The following GTF3C1 variants were observed in gnomAD, a reference collection of about 807,000 sequenced individuals.
The protein encoded by GTF3C1 is general transcription factor IIIC subunit 1.
GTF3C1 carries 57 observed loss-of-function variants against 226.7 expected under a neutral mutation model. The ratio of observed to expected loss-of-function variants is 0.25; its 90% CI spans 0.20 to 0.31. The LOEUF (loss-of-function observed/expected upper bound fraction) is 0.31, where lower values mean the gene tolerates loss of function less well. Among genes scored for constraint, GTF3C1 ranks in the 10% least tolerant of loss-of-function variants. The probability of loss-of-function intolerance (pLI) is 1.00; values close to 1 mark genes in which losing one functional copy is unlikely to be tolerated. For missense variants in GTF3C1, 2,217 were observed against 2,776.1 expected, an observed-to-expected ratio of 0.80 and a Z score of 4.53; for synonymous variants, 1,090 against 1,084.8, an observed-to-expected ratio of 1.00 and a Z score of -0.09.
intron 11 of GTF3C1, 117 bp downstream of exon 11, chr16:27,502,740 TAC>T: frequency 9.6e-7 from 1 of 1,045,470 alleles, no homozygotes; most frequent in Non-Finnish European, 1.4e-6. Context: ...GATGAGAATC[TAC>T]ACAGTGGGAC....
rs549367031 is a variant in GTF3C1, at chr16:27,484,320, G to A, written c.3892C>T (p.Arg1298Trp). 7 of 1,609,506 alleles carry A rather than the reference G, an allele frequency of 4.3e-6. No homozygotes were observed. Among genetic ancestry groups the A allele is most frequent in the Non-Finnish European group, 5.1e-6 (6 of 1,175,842 alleles). The part of the protein sequence containing the change: ...KGPFVTWQVV[R>W]DILHATFEES... ...TCAAACGTGGCATGCAAAATGTCCC[G>A]TACCACCTGCCAGGTGACAAATGGG... The change falls in exon 25 of 37, where the codon CGG becomes TGG. Residue 1298 changes from arginine to tryptophan, a missense_variant. Arg to Trp is a moderately radical substitution (Grantham distance 101, BLOSUM62 -3). Around this residue, in one of 12 missense-constraint regions of GTF3C1, gnomAD observed 546 missense variants for 663.0 expected, o/e 0.82. Coordinates refer to ENST00000356183, the MANE Select transcript of GTF3C1 (RefSeq NM_001520.4).
chr16:27,470,038 C>T lies in GTF3C1; in HGVS notation c.4814+70G>A, dbSNP rs117793768. 0.032 allele frequency: 40,506 copies of T among 1,285,294 alleles called. 789 individuals carry two copies. The highest frequency in any genetic ancestry group is 0.037 in the Non-Finnish European group (33,566 of 911,974). 79.6% of individuals were successfully genotyped at this position (1,285,294 alleles called of 1,614,324 possible). The stretch of plus-strand genomic sequence containing the variant: ...AAGCTCCCAGAAGGCACTGCTGACC[C>T]CTGCCCGTCTGTATCTGGCCAATGC... On this transcript the variant is annotated intron_variant, in intron 31 of 36. Coordinates refer to ENST00000356183, the MANE Select transcript of GTF3C1 (RefSeq NM_001520.4). This position sits in a 1 kb window ranked among gnomAD's most constrained non-coding sequence, Gnocchi z 4.9.
chr16:27,546,722 C>T (rs2089169978), intron 1 of GTF3C1, among the ~76,000 whole-genome samples: 2 of 151,900 alleles, frequency 1.3e-5, no homozygotes, highest in South Asian at 2.1e-4. Flanking sequence ...ATGTTTCAGC[C>T]CTTTCCTTCC....
intron 6 of GTF3C1, among the ~76,000 whole-genome samples, chr16:27,527,610 T>C (rs546580399): frequency 6.6e-6 from 1 of 152,338 alleles, no homozygotes; most frequent in South Asian, 2.1e-4. Context: ...TTCACTTTAA[T>C]TTTCTTACAT....
At chr16:27,518,488 T>A (rs2088696904) in intron 6 of GTF3C1, among the ~76,000 whole-genome samples, 1 of 152,212 alleles carries the variant, frequency 6.6e-6, no homozygotes, top group Non-Finnish European at 1.5e-5. Context: ...GAGGTAGTGC[T>A]CTGTAGATGT....
chr16:27,506,363 T>C (rs972363617), intron 9 of GTF3C1, among the ~76,000 whole-genome samples: 1 of 152,144 alleles, frequency 6.6e-6, no homozygotes, highest in African/African-American at 2.4e-5. Flanking sequence ...GTCCTGTGTA[T>C]TGCAGGATGT....
chr16:27,468,784 A>G (rs960857348), intron 32 of GTF3C1, among the ~76,000 whole-genome samples: 4 of 152,254 alleles, frequency 2.6e-5, no homozygotes, highest in African/African-American at 7.2e-5. Flanking sequence ...AAGGTCATCA[A>G]CAGAACTAAA....
chr16:27,493,441 C>T (rs1473836969), intron 16 of GTF3C1, 145 bp from the exon 17 acceptor site: 1 of 628,892 alleles, frequency 1.6e-6, no homozygotes, highest in Non-Finnish European at 2.9e-6. Flanking sequence ...CCAAGTGCCC[C>T]TGCATCTCTG....
chr16:27,471,347 T>A lies in GTF3C1; in HGVS notation c.4526+401A>T, dbSNP rs767953854. 4.1e-4 allele frequency among the ~76,000 whole-genome samples: 62 copies of A among 152,224 alleles called. No homozygotes were observed. The highest frequency in any genetic ancestry group is 7.8e-4 in the Non-Finnish European group (53 of 68,044). The stretch of plus-strand genomic sequence containing the variant: ...TGAATGCACCTCCGCACCCCAATCC[T>A]GCACTGGCTGTTGGTGCTGCGAATG... On this transcript the variant is annotated intron_variant, in intron 30 of 36. Transcript: ENST00000356183. This position sits in a 1 kb window ranked among gnomAD's most constrained non-coding sequence, Gnocchi z 5.0.
Position 27,495,198 on chromosome 16 carries a change from A to G in GTF3C1, c.2632+13T>C, listed in dbSNP as rs771644900. 17 of 1,594,092 alleles carry G rather than the reference A, an allele frequency of 1.1e-5. No homozygotes were observed. The African/African-American group carries it at 2.0e-4, about 19-fold the overall frequency. On this transcript the variant is annotated intron_variant, in intron 15 of 36. Transcript: ENST00000356183. ...TGCCCGCCCCAGGTGCAGGAGTGGC[A>G]GGGGCCTCTCACCTGTCTCCGTGGC...
intron 29 of GTF3C1, among the ~76,000 whole-genome samples, chr16:27,473,991 C>T (rs192455952): frequency 2.6e-5 from 4 of 152,300 alleles, no homozygotes; most frequent in East Asian, 1.9e-4. Flanking sequence ...AGGATAGGAG[C>T]GCTCAGGCCA....
chr16:27,513,527 A>G (rs2088609478), intron 6 of GTF3C1, among the ~76,000 whole-genome samples: 1 of 152,196 alleles, frequency 6.6e-6, no homozygotes, highest in African/African-American at 2.4e-5. Context: ...AGAGACTGGA[A>G]GATGCTACAC....
In GTF3C1 at chr16:27,462,568, G is replaced by T; in HGVS notation, c.5925-82C>A. On this transcript the variant is annotated intron_variant, in intron 35 of 36. Coordinates refer to ENST00000356183, the MANE Select transcript of GTF3C1 (RefSeq NM_001520.4). This position sits in a 1 kb window ranked among gnomAD's most constrained non-coding sequence, Gnocchi z 4.5. Reference sequence around the variant, plus strand: ...AGACAGAACACTGAGGCTCAGGGGCGTCCTAGGCCTGGCCCAGGTCACAGG... The same window carrying T: ...AGACAGAACACTGAGGCTCAGGGGCTTCCTAGGCCTGGCCCAGGTCACAGG... The T allele has an allele frequency of 9.5e-7, 1 of 1,050,976 alleles. No homozygotes were observed. The highest frequency in any genetic ancestry group is 1.4e-6 in the Non-Finnish European group (1 of 700,222). The allele number at this position is 1,050,976 out of a possible 1,614,324, so 65.1% of individuals were successfully genotyped here.
At chr16:27,495,125 TA>T in intron 15 of GTF3C1, 85 bp downstream of exon 15, 1 of 1,049,166 alleles carries the variant, frequency 9.5e-7, no homozygotes, top group Middle Eastern at 3.2e-4. Context: ...CCAGTTTATA[TA>T]AGGAAAAGGA....
Position 27,481,093 on chromosome 16 carries a change from C to T in GTF3C1, c.4182G>A (p.Gln1394=), listed in dbSNP as rs943397584. The T allele has an allele frequency of 9.3e-6, 15 of 1,613,940 alleles. No homozygotes were observed. The highest frequency in any genetic ancestry group is 1.3e-5 in the Non-Finnish European group (15 of 1,179,900). Reference sequence around the variant, plus strand: ...AAACGGCTTACCTGGCGAACAGCTCCTGGAGTGTGTCTGGGATTTCAAGGT... The same window carrying T: ...AAACGGCTTACCTGGCGAACAGCTCTTGGAGTGTGTCTGGGATTTCAAGGT... ...NSNLEIPDTL[Q]ELFARYRVLA... The change falls in exon 27 of 37, where the codon CAG becomes CAA. Residue 1394 remains glutamine, a synonymous_variant. Transcript: ENST00000356183.
chr16:27,520,009 G>A (rs1440413868), intron 6 of GTF3C1, among the ~76,000 whole-genome samples: 2 of 152,208 alleles, frequency 1.3e-5, no homozygotes, highest in South Asian at 2.1e-4. Context: ...CACTACTTGG[G>A]AGGGTAAGGT....
Position 27,489,601 on chromosome 16 carries a change from C to A in GTF3C1, c.3293+1G>T, listed in dbSNP as rs781686667. ...CGGCCGCGCTTGGGACGGACACGCA[C>A]GTGGTGTACTCCAGCATGGCGCACT... On this transcript the variant is annotated splice_donor_variant, in intron 20 of 36. Transcript: ENST00000356183. LOFTEE classifies it high-confidence loss of function. 6.2e-7 allele frequency: 1 copy of A among 1,605,162 alleles called. No homozygotes were observed. The highest frequency in any genetic ancestry group is 8.5e-7 in the Non-Finnish European group (1 of 1,177,342).
chr16:27,528,066 G>A (rs944833065), intron 6 of GTF3C1, among the ~76,000 whole-genome samples: 1 of 152,156 alleles, frequency 6.6e-6, no homozygotes, highest in East Asian at 1.9e-4. Flanking sequence ...CTGAGGTCAG[G>A]AGTTCAAGAC....
At chr16:27,506,172 T>G in intron 9 of GTF3C1, 56 bp from the exon 10 acceptor site, 1 of 1,010,570 alleles carries the variant, frequency 9.9e-7, no homozygotes, top group African/African-American at 1.6e-5. Context: ...AGGGCATTCA[T>G]GTTTGGCAAT....
Sources: allele counts gnomAD v4.1 joint callset (sites outside exome capture counted in the v4.1 genomes callset), GRCh38; gene constraint gnomAD v4.1.1; regional missense constraint gnomAD v4.1.1; non-coding constraint Gnocchi (gnomAD v3.1); transcripts MANE v1.5; gene names NCBI Gene and HGNC (gene_info 2026-07-23, HGNC 2026-07-21).